The following CCSER1 variants were observed in gnomAD, a reference collection of about 807,000 sequenced individuals.
CCSER1 encodes serine-rich coiled-coil domain-containing protein 1.
In CCSER1, 41 loss-of-function variants were observed where a neutral mutation model predicts 82.0. The ratio of observed to expected loss-of-function variants is 0.50; its 90% CI spans 0.39 to 0.65. The LOEUF (loss-of-function observed/expected upper bound fraction) is 0.65, where lower values mean the gene tolerates loss of function less well. Among genes scored for constraint, CCSER1 ranks in the 30% least tolerant of loss-of-function variants. The pLI is 0.00. For synonymous variants in CCSER1, 414 were observed against 383.9 expected (o/e 1.08, Z -0.92); for missense variants, 1,119 against 1,064.2 (o/e 1.05, Z -0.72).
At chr4:90,923,025 C>G (rs1213166923) in intron 8 of CCSER1, among the ~76,000 whole-genome samples, 2 of 152,024 alleles carry the variant, frequency 1.3e-5, no homozygotes, top group African/African-American at 4.8e-5. Flanking sequence ...TGTTCTGAAA[C>G]TGGATCAGCA....
chr4:91,008,207 C>G (rs1738691358), intron 9 of CCSER1, among the ~76,000 whole-genome samples: 1 of 152,132 alleles, frequency 6.6e-6, no homozygotes, highest in African/African-American at 2.4e-5. Flanking sequence ...ATATATCCCT[C>G]TCTGCTACTT....
chr4:90,453,356 C>T (rs1761739017), intron 4 of CCSER1, among the ~76,000 whole-genome samples: 2 of 152,182 alleles, frequency 1.3e-5, no homozygotes, highest in South Asian at 4.1e-4. Context: ...AGTCTCCATT[C>T]CCTGTTGGGT....
At position 90,414,683 on chromosome 4, in the gene CCSER1, C is replaced by A. The variant is rs1386578178; in HGVS notation, c.1603+14554C>A. Reference sequence around the variant, plus strand: ...TTAGCAGCGAGGTTCGTTAGATAAACCTCAGCATATTTTTTTAAAAAGGGG... The same window carrying A: ...TTAGCAGCGAGGTTCGTTAGATAAAACTCAGCATATTTTTTTAAAAAGGGG... On this transcript the variant is annotated intron_variant, in intron 4 of 10. Coordinates refer to ENST00000509176, the MANE Select transcript of CCSER1 (RefSeq NM_001145065.2). Among the ~76,000 whole-genome samples, 11 of 151,926 alleles carry A rather than the reference C, an allele frequency of 7.2e-5. 1 individual carries two copies. Among genetic ancestry groups the A allele is most frequent in the African/African-American group, 2.7e-4 (11 of 41,374 alleles).
At chr4:91,310,991 T>G (rs1483307390) in intron 10 of CCSER1, among the ~76,000 whole-genome samples, 1 of 151,980 alleles carries the variant, frequency 6.6e-6, no homozygotes, top group Non-Finnish European at 1.5e-5. Flanking sequence ...AAGAAATAAC[T>G]TTTAAAATAG....
chr4:91,321,523 CTTA>C (rs1208372840), intron 10 of CCSER1, among the ~76,000 whole-genome samples: 1 of 151,900 alleles, frequency 6.6e-6, no homozygotes, highest in African/African-American at 2.4e-5. Context: ...ACAGTTTTGC[CTTA>C]TTATTTGTAG....
intron 4 of CCSER1, among the ~76,000 whole-genome samples, chr4:90,431,196 G>C (rs1362920376): frequency 6.6e-6 from 1 of 152,042 alleles, no homozygotes; most frequent in Non-Finnish European, 1.5e-5. Flanking sequence ...AAAGAGCACT[G>C]TCATTACAAC....
At chr4:91,372,819 T>C (rs940965871) in intron 10 of CCSER1, among the ~76,000 whole-genome samples, 2 of 152,110 alleles carry the variant, frequency 1.3e-5, no homozygotes, top group Non-Finnish European at 2.9e-5. Flanking sequence ...AAACTCTGAG[T>C]AAGAGACAAA....
intron 10 of CCSER1, among the ~76,000 whole-genome samples, chr4:91,590,116 C>T (rs1008889080): frequency 1.6e-4 from 25 of 151,998 alleles, no homozygotes; most frequent in African/African-American, 5.6e-4. Flanking sequence ...CTCTGCTGGC[C>T]TTATTAGCAT....
chr4:91,037,984 C>A (rs2150570945), intron 9 of CCSER1, among the ~76,000 whole-genome samples: 1 of 152,024 alleles, frequency 6.6e-6, no homozygotes, highest in South Asian at 2.1e-4. Context: ...AATGAATATA[C>A]ATTGCTTTTG....
chr4:91,160,747 T>G (rs1243552680), intron 10 of CCSER1, among the ~76,000 whole-genome samples: 1 of 151,688 alleles, frequency 6.6e-6, no homozygotes, highest in African/African-American at 2.4e-5. Flanking sequence ...GTTGTTGTTG[T>G]TGTTGTTGTT....
At chr4:91,113,352 A>C (rs1726253255) in intron 10 of CCSER1, among the ~76,000 whole-genome samples, 1 of 152,256 alleles carries the variant, frequency 6.6e-6, no homozygotes, top group Admixed American at 6.5e-5. Context: ...TTCTCAATCA[A>C]GAACAACTAA....
chr4:90,434,022 A>G (rs189277027), intron 4 of CCSER1, among the ~76,000 whole-genome samples: 1 of 152,068 alleles, frequency 6.6e-6, no homozygotes, highest in Admixed American at 6.5e-5. Flanking sequence ...AAAAGATTAT[A>G]TATTATTCGA....
intron 1 of CCSER1, among the ~76,000 whole-genome samples, chr4:90,257,650 A>G (rs558277263): frequency 6.6e-6 from 1 of 152,308 alleles, no homozygotes; most frequent in Non-Finnish European, 1.5e-5. Flanking sequence ...GTAAATGTTT[A>G]TTTATTATAA....
chr4:90,498,813 C>T (rs1431079635), intron 5 of CCSER1, among the ~76,000 whole-genome samples: 1 of 152,040 alleles, frequency 6.6e-6, no homozygotes, highest in Admixed American at 6.6e-5. Context: ...GTTTTAAATA[C>T]TTACAAGTCT....
At chr4:90,684,217 A>C (rs1156722400) in intron 6 of CCSER1, among the ~76,000 whole-genome samples, 1 of 152,178 alleles carries the variant, frequency 6.6e-6, no homozygotes, top group Non-Finnish European at 1.5e-5. Flanking sequence ...TTGCTTCAAA[A>C]AATTGTATCT....
At chr4:91,147,130 A>G (rs981361445) in intron 10 of CCSER1, among the ~76,000 whole-genome samples, 1 of 152,212 alleles carries the variant, frequency 6.6e-6, no homozygotes, top group Non-Finnish European at 1.5e-5. Context: ...TGGCAGAATC[A>G]GTGAGTTTTG....
chr4:91,220,327 C>T (rs1446705497), intron 10 of CCSER1, among the ~76,000 whole-genome samples: 3 of 152,130 alleles, frequency 2.0e-5, no homozygotes, highest in Non-Finnish European at 2.9e-5. Context: ...CTGCTGTGCT[C>T]GTTGAAAAGG....
chr4:91,359,304 C>G (rs1578260910), intron 10 of CCSER1, among the ~76,000 whole-genome samples: 1 of 151,774 alleles, frequency 6.6e-6, no homozygotes, highest in South Asian at 2.1e-4. Context: ...TTAGGCCAGG[C>G]AGGCCCAGGC....
chr4:91,286,308 A>G (rs1743269892), intron 10 of CCSER1, among the ~76,000 whole-genome samples: 2 of 151,866 alleles, frequency 1.3e-5, no homozygotes, highest in South Asian at 2.1e-4. Context: ...TAATTTATCA[A>G]CGTTAAATTG....
Sources: allele counts gnomAD v4.1 joint callset (sites outside exome capture counted in the v4.1 genomes callset), GRCh38; gene constraint gnomAD v4.1.1; transcripts MANE v1.5; gene names NCBI Gene and HGNC (gene_info 2026-07-23, HGNC 2026-07-21).